The following LRP2 variants were observed in gnomAD, a reference collection of about 807,000 sequenced individuals.
The protein encoded by LRP2 is LDL receptor related protein 2, also known as low-density lipoprotein receptor-related protein 2.
In LRP2, 172 loss-of-function variants were observed where a neutral mutation model predicts 531.0. The ratio of observed to expected loss-of-function variants is 0.32; its 90% CI spans 0.29 to 0.37. LRP2 has a LOEUF of 0.37. Among genes scored for constraint, LRP2 ranks in the 10% least tolerant of loss-of-function variants. LRP2 has a pLI of 1.00. For synonymous variants in LRP2, 1,992 were observed against 2,027.6 expected, an observed-to-expected ratio of 0.98 and a Z score of 0.47; for missense variants, 5,167 against 5,868.3, an observed-to-expected ratio of 0.88 and a Z score of 3.90.
chr2:169,136,739 CG>C (rs1008945956), intron 76 of LRP2, among the ~76,000 whole-genome samples: 1 of 151,594 alleles, frequency 6.6e-6, no homozygotes, highest in African/African-American at 2.4e-5. Flanking sequence ...TATCTCCCTT[CG>C]CTGACTCTCT....
At chr2:169,205,691 T>TAAAA in intron 40 of LRP2, 54 bp from the exon 41 acceptor site, 1 of 1,221,056 alleles carries the variant, frequency 8.2e-7, no homozygotes, top group Non-Finnish European at 1.2e-6. Context: ...CATAGTCCTT[T>TAAAA]AAAAAAAAAA....
At chr2:169,303,607 A>G (rs1177383664) in intron 4 of LRP2, among the ~76,000 whole-genome samples, 2 of 152,186 alleles carry the variant, frequency 1.3e-5, no homozygotes, top group Admixed American at 6.6e-5. Flanking sequence ...TCTTGTATAT[A>G]TCTGACTGTG....
At chr2:169,145,951 CAGA>C in intron 69 of LRP2, 28 bp from the exon 70 acceptor site, 1 of 1,611,964 alleles carries the variant, frequency 6.2e-7, no homozygotes, top group Non-Finnish European at 8.5e-7. Context: ...AAAAACAAAA[CAGA>C]AGGTTATTGA....
chr2:169,312,527 G>T (rs1684642002), intron 3 of LRP2, among the ~76,000 whole-genome samples: 1 of 152,088 alleles, frequency 6.6e-6, no homozygotes, highest in Non-Finnish European at 1.5e-5. Context: ...GTTGAATATT[G>T]GCCCCCCCTC....
chr2:169,349,753 A>G lies in LRP2; in HGVS notation c.79+12568T>C, dbSNP rs1452110067. Reference sequence around the variant, plus strand: ...CACTCTAACAGGCAACTCTTGCTCCAGAGCTTCCTCTGGGTTGACCAACAG... The same window carrying G: ...CACTCTAACAGGCAACTCTTGCTCCGGAGCTTCCTCTGGGTTGACCAACAG... On this transcript the variant is annotated intron_variant, in intron 1 of 78. Coordinates refer to ENST00000649046, the MANE Select transcript of LRP2 (RefSeq NM_004525.3). 6.6e-5 allele frequency among the ~76,000 whole-genome samples: 10 copies of G among 152,222 alleles called. No homozygotes were observed. The South Asian group carries it at 2.1e-3, about 32-fold the overall frequency.
chr2:169,292,756 G>T (rs896157519), intron 6 of LRP2, among the ~76,000 whole-genome samples: 1 of 150,150 alleles, frequency 6.7e-6, no homozygotes, highest in African/African-American at 2.5e-5. Flanking sequence ...TGAGCCTGGT[G>T]GGGGTGTGTG....
At chr2:169,172,303 C>G (rs1051678198) in intron 57 of LRP2, among the ~76,000 whole-genome samples, 169 bp from the exon 58 acceptor site, 1 of 152,140 alleles carries the variant, frequency 6.6e-6, no homozygotes, top group Non-Finnish European at 1.5e-5. Flanking sequence ...TTTTAGCTAC[C>G]CTGAGCCTAT....
At chr2:169,234,464 A>T (rs1244205998) in intron 29 of LRP2, among the ~76,000 whole-genome samples, 2 of 152,228 alleles carry the variant, frequency 1.3e-5, no homozygotes, top group African/African-American at 2.4e-5. Context: ...TATCCCTGCA[A>T]AGGACATGAA....
intron 61 of LRP2, among the ~76,000 whole-genome samples, chr2:169,166,273 T>A (rs1346454152): frequency 6.6e-6 from 1 of 152,206 alleles, no homozygotes. Flanking sequence ...ACAGTCCTTG[T>A]CCTCATGGAA....
At chr2:169,306,499 A>T (rs1359295561) in intron 4 of LRP2, among the ~76,000 whole-genome samples, 1 of 152,186 alleles carries the variant, frequency 6.6e-6, no homozygotes, top group African/African-American at 2.4e-5. Context: ...ATGCCATCAC[A>T]CTCAGCCTGG....
chr2:169,260,713 A>T (rs932918168), intron 16 of LRP2, among the ~76,000 whole-genome samples: 1 of 152,058 alleles, frequency 6.6e-6, no homozygotes, highest in African/African-American at 2.4e-5. Flanking sequence ...GCACTATTAT[A>T]AAAGTCTCCC....
intron 1 of LRP2, among the ~76,000 whole-genome samples, chr2:169,339,907 T>G (rs1227622884): frequency 6.6e-6 from 1 of 152,194 alleles, no homozygotes; most frequent in Non-Finnish European, 1.5e-5. Flanking sequence ...AATTCCAATA[T>G]GAAGTAACCA....
intron 44 of LRP2, 82 bp downstream of exon 44, chr2:169,201,546 C>CA (rs1688202695): frequency 6.3e-7 from 1 of 1,575,628 alleles, no homozygotes. Flanking sequence ...TTTGGAAAGC[C>CA]TTTTTTTTAT....
At position 169,191,917 on chromosome 2, in the gene LRP2, C is replaced by A; in HGVS notation, c.8947G>T (p.Asp2983Tyr). 1 of 1,614,106 alleles carries A rather than the reference C, an allele frequency of 6.2e-7. No homozygotes were observed. The highest frequency in any genetic ancestry group is 1.3e-5 in the African/African-American group (1 of 75,016). ...CTCCTGGTGCAATTCTGATTCTCAT[C>A]GTAGCCGTCAGTACAATCCACATCG... Reference protein sequence around the residue: ...DGDVDCTDGYDENQNCTRRTC... With the variant: ...DGDVDCTDGYYENQNCTRRTC... Residue 2983 changes from aspartate (D) to tyrosine (Y), a missense_variant, in exon 48 of 79, where the codon GAT (aspartate) becomes TAT (tyrosine). Coordinates refer to ENST00000649046, the MANE Select transcript of LRP2 (RefSeq NM_004525.3).
chr2:169,145,876 T>C lies in LRP2; in HGVS notation c.12859A>G (p.Ile4287Val), dbSNP rs746246268. The change falls in exon 70 of 79, where the codon ATA becomes GTA. Residue 4287 changes from isoleucine (I) to valine (V), a missense_variant. By Grantham distance (29) the Ile-to-Val change is conservative. Transcript: ENST00000649046. ...CATACTTCTCCCTTTTCCTTAGATA[T>C]CCAGTATAACTGGTCTTCAAAGATG... ...LDIFEDQLYW[I>V]SKEKGEVWKQ... The C allele has an allele frequency of 2.5e-6, 4 of 1,614,154 alleles. No homozygotes were observed. The highest frequency in any genetic ancestry group is 3.4e-6 in the Non-Finnish European group (4 of 1,180,016).
intron 76 of LRP2, among the ~76,000 whole-genome samples, chr2:169,136,562 T>A (rs1685518126): frequency 6.6e-6 from 1 of 152,192 alleles, no homozygotes; most frequent in East Asian, 1.9e-4. Flanking sequence ...GGTCCTTGCC[T>A]TAACTGATGA....
chr2:169,155,896 G>C (rs1489505448), intron 65 of LRP2, among the ~76,000 whole-genome samples: 2 of 152,116 alleles, frequency 1.3e-5, no homozygotes, highest in Non-Finnish European at 2.9e-5. Context: ...AGAGGGCCTT[G>C]TTACCTTCCT....
intron 44 of LRP2, among the ~76,000 whole-genome samples, chr2:169,199,133 T>A (rs1688102557): frequency 6.6e-6 from 1 of 152,200 alleles, no homozygotes; most frequent in South Asian, 2.1e-4. Flanking sequence ...GAGGAGACAC[T>A]GGTTTGTAAC....
intron 60 of LRP2, 46 bp from the exon 61 acceptor site, chr2:169,168,722 C>G: frequency 6.2e-7 from 1 of 1,607,212 alleles, no homozygotes; most frequent in Non-Finnish European, 8.5e-7. Context: ...TACAAATTGA[C>G]TACTTTGGGG....
Sources: gnomAD v4.1 joint callset for allele counts (sites outside exome capture counted in the v4.1 genomes callset) on GRCh38, gnomAD v4.1.1 for gene constraint, MANE v1.5 for transcripts, NCBI Gene and HGNC (gene_info 2026-07-23, HGNC 2026-07-21) for gene names.